GFRA2: variants seen among roughly 807,000 people sequenced by gnomAD.
GFRA2 encodes the protein GDNF family receptor alpha 2, also known as GDNF family receptor alpha-2.
A neutral mutation model predicts 48.3 loss-of-function variants in GFRA2; 17 were observed. The ratio of observed to expected loss-of-function variants is 0.35; its 90% CI spans 0.24 to 0.53. The LOEUF (loss-of-function observed/expected upper bound fraction) is 0.53. GFRA2 is among the 20% of genes least tolerant of loss of function. GFRA2 has a pLI of 0.93. For synonymous variants in GFRA2, 305 were observed against 257.2 expected (o/e 1.19, Z -1.78); for missense variants, 660 against 637.3 (o/e 1.04, Z -0.38).
intron 2 of GFRA2, among the ~76,000 whole-genome samples, chr8:21,795,469 T>C (rs1325077516): frequency 6.6e-6 from 1 of 152,098 alleles, no homozygotes; most frequent in Non-Finnish European, 1.5e-5. Context: ...CTCAGTTCAC[T>C]GCAAGCTCCA....
At chr8:21,694,266 G>C (rs1802045327) in intron 8 of GFRA2, among the ~76,000 whole-genome samples, 198 bp downstream of exon 8, 1 of 151,686 alleles carries the variant, frequency 6.6e-6, no homozygotes, top group East Asian at 2.0e-4. Flanking sequence ...CCCAAGGAGA[G>C]AGCCAGGGGC....
intron 2 of GFRA2, among the ~76,000 whole-genome samples, chr8:21,795,791 CCAAT>C (rs1807663572): frequency 1.3e-5 from 2 of 152,300 alleles, no homozygotes; most frequent in South Asian, 4.1e-4. Context: ...AGTGGGCTTT[CCAAT>C]TCCAACTTGG....
At chr8:21,698,789 T>C (rs1802333163) in intron 7 of GFRA2, among the ~76,000 whole-genome samples, 1 of 150,988 alleles carries the variant, frequency 6.6e-6, no homozygotes, top group African/African-American at 2.4e-5. Flanking sequence ...CTCAGTATAG[T>C]AGACCCCCAC....
At chr8:21,783,492 C>T (rs1164174689) in intron 1 of GFRA2, among the ~76,000 whole-genome samples, 1 of 152,148 alleles carries the variant, frequency 6.6e-6, no homozygotes, top group Non-Finnish European at 1.5e-5. Context: ...CTCAAGGTCA[C>T]ACATAGCGGT....
intron 3 of GFRA2, among the ~76,000 whole-genome samples, chr8:21,765,541 C>A (rs1466927133): frequency 6.6e-6 from 1 of 151,970 alleles, no homozygotes; most frequent in South Asian, 2.1e-4. Context: ...TGAGACCCAG[C>A]CTCACTCTCC....
intron 3 of GFRA2, among the ~76,000 whole-genome samples, chr8:21,763,751 G>A (rs187205482): frequency 4.6e-5 from 7 of 151,412 alleles, no homozygotes; most frequent in Admixed American, 4.6e-4. Flanking sequence ...CCAAACACTT[G>A]CTCTCCCTCA....
chr8:21,711,682 G>GTTTTTCTTTTTTTTTT (rs1803036116), intron 4 of GFRA2, among the ~76,000 whole-genome samples: 2 of 142,570 alleles, frequency 1.4e-5, no homozygotes, highest in South Asian at 2.1e-4. Flanking sequence ...ACGCTAAACA[G>GTTTTTCTTTTTTTTTT]TTTTTCTTTT....
intron 1 of GFRA2, among the ~76,000 whole-genome samples, chr8:21,807,994 C>T (rs1477198967): frequency 6.6e-6 from 1 of 152,168 alleles, no homozygotes; most frequent in African/African-American, 2.4e-5. Context: ...TCTTTAAATA[C>T]CCTTCCTACA....
chr8:21,754,338 A>C (rs10108928), intron 3 of GFRA2, among the ~76,000 whole-genome samples: 14,873 of 152,130 alleles, frequency 0.098, 2,219 homozygotes, highest in African/African-American at 0.32. Context: ...AAGTGCTCAA[A>C]AAATGTTGAC....
chr8:21,767,316 C>G (rs983480505), intron 3 of GFRA2, among the ~76,000 whole-genome samples: 2 of 152,250 alleles, frequency 1.3e-5, no homozygotes, highest in Middle Eastern at 6.8e-3. Context: ...CACACACACA[C>G]CCCACCTCTC....
chr8:21,770,270 G>A (rs949784127), intron 3 of GFRA2, among the ~76,000 whole-genome samples: 3 of 152,324 alleles, frequency 2.0e-5, no homozygotes, highest in Non-Finnish European at 2.9e-5. Context: ...ACCTGCCATC[G>A]AACCTTGGAG....
upstream of GFRA2, among the ~76,000 whole-genome samples, chr8:21,789,000 G>A (rs1807427463): frequency 6.9e-6 from 1 of 145,764 alleles, no homozygotes. Flanking sequence ...TCCGCCCCGG[G>A]CTCGGCGCTC....
intron 3 of GFRA2, among the ~76,000 whole-genome samples, chr8:21,759,934 T>C (rs1347136286): frequency 2.7e-5 from 4 of 150,344 alleles, no homozygotes; most frequent in Non-Finnish European, 4.4e-5. Context: ...GAGAGGGGCC[T>C]TTCCGAGGAG....
At chr8:21,797,935 C>A (rs1166864238) in intron 2 of GFRA2, among the ~76,000 whole-genome samples, 2 of 152,202 alleles carry the variant, frequency 1.3e-5, no homozygotes, top group East Asian at 3.9e-4. Context: ...TTGCTTTCAA[C>A]AACAGCAGGC....
intron 8 of GFRA2, among the ~76,000 whole-genome samples, chr8:21,694,092 T>TA (rs1221616880): frequency 7.2e-6 from 1 of 138,674 alleles, no homozygotes; most frequent in African/African-American, 2.6e-5. Flanking sequence ...TATATATATA[T>TA]TTCCTATAGT....
chr8:21,795,822 G>C (rs1027308812), intron 2 of GFRA2, among the ~76,000 whole-genome samples: 2 of 152,216 alleles, frequency 1.3e-5, no homozygotes, highest in Non-Finnish European at 2.9e-5. Context: ...TCACAGGCCA[G>C]AAATCAGGCA....
intron 7 of GFRA2, among the ~76,000 whole-genome samples, chr8:21,701,747 G>A (rs1802491055): frequency 1.3e-5 from 2 of 152,338 alleles, no homozygotes; most frequent in South Asian, 4.1e-4. Context: ...CCCCGATGGT[G>A]AGACTGCACA....
upstream of GFRA2, among the ~76,000 whole-genome samples, chr8:21,793,810 T>C (rs1807620359): frequency 2.0e-5 from 3 of 151,238 alleles, 1 homozygote; most frequent in African/African-American, 7.3e-5. Flanking sequence ...ACCTAAGATA[T>C]CCTCTTCCTC....
At chr8:21,774,576 G>A (rs1038983265) in intron 3 of GFRA2, among the ~76,000 whole-genome samples, 16 of 152,312 alleles carry the variant, frequency 1.1e-4, no homozygotes, top group African/African-American at 3.1e-4. Flanking sequence ...AGGTCGGTAC[G>A]GTACTCCCCC....
Sources: allele counts gnomAD v4.1 joint callset (sites outside exome capture counted in the v4.1 genomes callset), GRCh38; gene constraint gnomAD v4.1.1; transcripts MANE v1.5; gene names NCBI Gene and HGNC (gene_info 2026-07-23, HGNC 2026-07-21).